The following THSD4 variants were observed in gnomAD, a reference collection of about 807,000 sequenced individuals.
THSD4 encodes the protein thrombospondin type 1 domain containing 4.
A neutral mutation model predicts 119.0 loss-of-function variants in THSD4; 69 were observed. That is an observed-to-expected ratio of 0.58 (90% CI 0.48 to 0.71). The LOEUF is 0.71. Ranked by LOEUF, THSD4 falls within the 30% of genes least tolerant of loss-of-function variation. THSD4 has a pLI of 0.00. For missense variants in THSD4, 1,393 were observed against 1,391.1 expected (o/e 1.00, Z -0.02); for synonymous variants, 524 against 540.4 (o/e 0.97, Z 0.42).
chr15:71,289,665 C>A (rs1395956700), intron 6 of THSD4, among the ~76,000 whole-genome samples: 1 of 152,174 alleles, frequency 6.6e-6, no homozygotes, highest in Admixed American at 6.5e-5. Flanking sequence ...CTCTTTGGCT[C>A]AAAAGGCAAA....
chr15:71,395,914 G>GACACACACACACACACACACACACACAC (rs58433075), intron 6 of THSD4, among the ~76,000 whole-genome samples: 1 of 133,296 alleles, frequency 7.5e-6, no homozygotes, highest in African/African-American at 2.9e-5. Flanking sequence ...TTTGAAGAGA[G>GACACACACACACACACACACACACACAC]ACACACACAC....
chr15:71,584,404 G>A (rs1388737505), intron 7 of THSD4, among the ~76,000 whole-genome samples: 1 of 151,388 alleles, frequency 6.6e-6, no homozygotes, highest in East Asian at 1.9e-4. Flanking sequence ...AAGTAGCTGG[G>A]ATTACAGGCG....
At chr15:71,161,155 T>G (rs1458379459) in intron 3 of THSD4, among the ~76,000 whole-genome samples, 1 of 152,134 alleles carries the variant, frequency 6.6e-6, no homozygotes, top group Non-Finnish European at 1.5e-5. Context: ...TAAGACTTGT[T>G]TTGTGGCCTG....
intron 6 of THSD4, among the ~76,000 whole-genome samples, chr15:71,375,789 C>T (rs2046127701): frequency 6.6e-6 from 1 of 152,188 alleles, no homozygotes; most frequent in Non-Finnish European, 1.5e-5. Flanking sequence ...ATTCGGGCCT[C>T]ACTCCCAAAT....
intron 7 of THSD4, among the ~76,000 whole-genome samples, chr15:71,455,089 A>G (rs1442333079): frequency 6.6e-6 from 1 of 152,124 alleles, no homozygotes; most frequent in African/African-American, 2.4e-5. Context: ...CCATGAGAAA[A>G]TTCCTGCCTG....
intron 11 of THSD4, among the ~76,000 whole-genome samples, chr15:71,739,098 GAA>G (rs34273398): frequency 0.023 from 2,488 of 106,578 alleles, 74 homozygotes; most frequent in African/African-American, 0.08. Context: ...CAGGATTTCA[GAA>G]AAAAAAAAAA....
chr15:71,214,034 G>A (rs1283317471), intron 3 of THSD4, among the ~76,000 whole-genome samples: 2 of 150,376 alleles, frequency 1.3e-5, no homozygotes, highest in South Asian at 2.1e-4. Flanking sequence ...GATTGTAAAC[G>A]CCCCAATCAG....
At chr15:71,749,622 C>T (rs2053406329) in intron 14 of THSD4, among the ~76,000 whole-genome samples, 1 of 151,742 alleles carries the variant, frequency 6.6e-6, no homozygotes. Context: ...AGGTCTGAGG[C>T]AGCAGGTGTG....
chr15:71,559,654 A>G (rs922745794), intron 7 of THSD4, among the ~76,000 whole-genome samples: 3 of 152,074 alleles, frequency 2.0e-5, no homozygotes, highest in Non-Finnish European at 4.4e-5. Context: ...GGGAAGAAGA[A>G]TAATATTCAT....
intron 11 of THSD4, among the ~76,000 whole-genome samples, chr15:71,744,171 T>TA (rs1368952752): frequency 7.0e-6 from 1 of 143,802 alleles, no homozygotes; most frequent in African/African-American, 2.7e-5. Flanking sequence ...TTTTTTTTTT[T>TA]AATTGACACC....
At chr15:71,362,248 C>T (rs1481983004) in intron 6 of THSD4, among the ~76,000 whole-genome samples, 1 of 152,198 alleles carries the variant, frequency 6.6e-6, no homozygotes, top group Non-Finnish European at 1.5e-5. Context: ...TACTGCACTC[C>T]AGCCTGGTTG....
At chr15:71,617,324 G>T (rs2050335689) in intron 7 of THSD4, among the ~76,000 whole-genome samples, 1 of 152,124 alleles carries the variant, frequency 6.6e-6, no homozygotes, top group South Asian at 2.1e-4. Flanking sequence ...ATTTTTAAAT[G>T]ATTTTAGTTT....
chr15:71,577,965 C>T (rs998759267), intron 7 of THSD4, among the ~76,000 whole-genome samples: 33 of 151,020 alleles, frequency 2.2e-4, no homozygotes, highest in Non-Finnish European at 4.4e-4. Context: ...TCAGATGATC[C>T]GATGGAGGGA....
chr15:71,127,978 G>T (rs1192332772), intron 1 of THSD4, among the ~76,000 whole-genome samples: 1 of 151,998 alleles, frequency 6.6e-6, no homozygotes, highest in African/African-American at 2.4e-5. Context: ...ATTATTCCAG[G>T]CCAGCGTCTT....
chr15:71,737,313 T>C (rs1317453543), intron 10 of THSD4, among the ~76,000 whole-genome samples: 1 of 152,254 alleles, frequency 6.6e-6, no homozygotes, highest in Non-Finnish European at 1.5e-5. Context: ...CCATAGTGAC[T>C]GGAAGTGTGT....
At chr15:71,351,150 C>A (rs1316766438) in intron 6 of THSD4, among the ~76,000 whole-genome samples, 8 of 152,142 alleles carry the variant, frequency 5.3e-5, no homozygotes, top group African/African-American at 1.9e-4. Flanking sequence ...TGTGGGAAAA[C>A]AGCCTCTGCA....
At chr15:71,244,610 G>A (rs894122550) in intron 5 of THSD4, among the ~76,000 whole-genome samples, 2 of 152,134 alleles carry the variant, frequency 1.3e-5, no homozygotes, top group Non-Finnish European at 2.9e-5. Context: ...TCTTCATTGA[G>A]CATCATTGCT....
At chr15:71,610,194 C>T (rs949605867) in intron 7 of THSD4, among the ~76,000 whole-genome samples, 3 of 152,174 alleles carry the variant, frequency 2.0e-5, no homozygotes, top group Non-Finnish European at 2.9e-5. Flanking sequence ...ACTGATGTTT[C>T]AGAGGAAATA....
intron 6 of THSD4, among the ~76,000 whole-genome samples, chr15:71,257,097 G>T (rs1038526777): frequency 2.6e-5 from 4 of 152,116 alleles, no homozygotes; most frequent in African/African-American, 9.7e-5. Context: ...GGTAGTATGG[G>T]AGCTTAAGAG....
Sources: allele counts gnomAD v4.1 joint callset (sites outside exome capture counted in the v4.1 genomes callset), GRCh38; gene constraint gnomAD v4.1.1; transcripts MANE v1.5; gene names NCBI Gene and HGNC (gene_info 2026-07-23, HGNC 2026-07-21).